Variants in TNRC18 observed in about 807,000 individuals in gnomAD.
The protein encoded by TNRC18 is trinucleotide repeat-containing gene 18 protein.
TNRC18 carries 69 observed loss-of-function variants against 226.7 expected under a neutral mutation model. That is an observed-to-expected ratio of 0.30 (90% CI 0.25 to 0.37). TNRC18 has a LOEUF of 0.37. TNRC18 is among the 10% of genes least tolerant of loss of function. The probability of loss-of-function intolerance (pLI) is 1.00; values close to 1 mark genes in which losing one functional copy is unlikely to be tolerated. For synonymous variants in TNRC18, 2,449 were observed against 1,927.6 expected, an observed-to-expected ratio of 1.27 and a Z score of -7.09; for missense variants, 4,754 against 4,256.6, an observed-to-expected ratio of 1.12 and a Z score of -3.25.
rs752082991 is a variant in TNRC18 at position 5,315,156 on chromosome 7, G to T, written c.6863-8C>A. The T allele has an allele frequency of 8.7e-6, 14 of 1,610,514 alleles. No individual in the cohort carries two copies. Among genetic ancestry groups the T allele is most frequent in the Middle Eastern group, 4.1e-4 (2 of 4,920 alleles). On this transcript the variant is annotated splice_polypyrimidine_tract_variant and splice_region_variant and intron_variant, in intron 25 of 29. Transcript: ENST00000430969. ...CCGGGGACGGCTCAGCACCTGTGGG[G>T]CAGAGGACAGAGTGGCTCATCAGGC... is the stretch of plus-strand genomic sequence containing the variant.
In TNRC18 at chr7:5,307,849, C is replaced by T. The variant is rs978901495; in HGVS notation, c.*257G>A. 9 of 545,712 alleles carry T rather than the reference C, an allele frequency of 1.6e-5. No individual in the cohort carries two copies. Among genetic ancestry groups the T allele is most frequent in the Non-Finnish European group, 3.0e-5 (9 of 301,378 alleles). The allele number at this position is 545,712 out of a possible 1,614,324, so 33.8% of individuals were successfully genotyped here. On this transcript the variant is annotated 3_prime_UTR_variant, in exon 30 of 30. Coordinates refer to ENST00000430969, the MANE Select transcript of TNRC18 (RefSeq NM_001080495.3). ...GGCAGGAAGGGCCGGTCCGGCCATA[C>T]CCTGATAGCTAAGAGGGGCCCCTGT...
chr7:5,422,129 C>A (rs1442759545), intron 1 of TNRC18, among the ~76,000 whole-genome samples: 3 of 151,994 alleles, frequency 2.0e-5, no homozygotes, highest in Non-Finnish European at 4.4e-5. Flanking sequence ...CACTGTGAGT[C>A]CCAGAGCTCG....
intron 21 of TNRC18, among the ~76,000 whole-genome samples, chr7:5,322,887 G>A (rs964939442): frequency 4.6e-5 from 7 of 152,226 alleles, no homozygotes; most frequent in Non-Finnish European, 8.8e-5. Flanking sequence ...ACACCCTGAC[G>A]TTGGGCTTGG....
chr7:5,321,829 G>T (rs1210889705), intron 21 of TNRC18, among the ~76,000 whole-genome samples: 1 of 151,610 alleles, frequency 6.6e-6, no homozygotes, highest in Non-Finnish European at 1.5e-5. Flanking sequence ...CTGCCACCAG[G>T]CCCGGCTAAT....
intron 17 of TNRC18, among the ~76,000 whole-genome samples, chr7:5,350,619 G>T (rs892405190): frequency 1.3e-5 from 2 of 152,156 alleles, no homozygotes; most frequent in Non-Finnish European, 2.9e-5. Context: ...CTAAAACCAG[G>T]GCTAGGAAAA....
chr7:5,374,098 C>T lies in TNRC18; in HGVS notation c.3186G>A (p.Glu1062=). Residue 1062 remains glutamate (E), a synonymous_variant, in exon 10 of 30, where the codon GAG becomes GAA. Transcript: ENST00000430969. ...AGGGGCTGGGGGCTTCCTTCTCCAA[C>T]TCCAAGTCTTTCTTCTCGACCACAT... ...PENVVEKKDL[E]LEKEAPSPFQ... The T allele has an allele frequency of 6.3e-7, 1 of 1,580,854 alleles. No individual in the cohort carries two copies.
At chr7:5,373,983 T>G in intron 10 of TNRC18, 72 bp downstream of exon 10, 1 of 1,248,678 alleles carries the variant, frequency 8.0e-7, no homozygotes. Context: ...AACGGGTCAA[T>G]GAAAAGATGG....
chr7:5,369,929 G>C (rs1354238726), intron 11 of TNRC18, among the ~76,000 whole-genome samples: 1 of 152,108 alleles, frequency 6.6e-6, no homozygotes, highest in East Asian at 1.9e-4. Context: ...GGAACATTTT[G>C]TTATGTGTAT....
rs2128182014 is a variant in TNRC18, at chr7:5,377,881, T to C, written c.2255+41A>G. 1.9e-6 allele frequency: 3 copies of C among 1,589,278 alleles called. No homozygotes were observed. The highest frequency in any genetic ancestry group is 1.7e-6 in the Non-Finnish European group (2 of 1,158,852). ...GCTGCCCCTCACCCCCAGGGGCTCC[T>C]AGATACCCCCTAGACCCTCAGGATC... On this transcript the variant is annotated intron_variant, in intron 6 of 29. Transcript: ENST00000430969. The surrounding 1 kb of genome is among the most constrained non-coding windows in gnomAD (Gnocchi z 5.8).
chr7:5,343,342 A>G (rs1294823180), intron 18 of TNRC18, among the ~76,000 whole-genome samples: 1 of 152,202 alleles, frequency 6.6e-6, no homozygotes, highest in Non-Finnish European at 1.5e-5. Context: ...TGACAAAGCG[A>G]GACCGTATCT....
intron 18 of TNRC18, 38 bp downstream of exon 18, chr7:5,345,524 C>CCCCCCCCCCCCCCCCCCCCCCCACA: frequency 5.5e-6 from 1 of 182,374 alleles, no homozygotes; most frequent in Non-Finnish European, 1.2e-5. Context: ...TCCGCCCCTC[C>CCCCCCCCCCCCCCCCCCCCCCCACA]CACCCACCCC....
In TNRC18 at chr7:5,345,517, G is replaced by GCCAC; in HGVS notation, c.5719+44_5719+45insGTGG. ...CCTGTGGGATGGGGCAATGGCGTCCGCCCCTCCCACCCACCCCCACCGCAG... is the reference window on the plus strand; with the variant it reads ...CCTGTGGGATGGGGCAATGGCGTCCGCCACCCCCTCCCACCCACCCCCACCGCAG... On this transcript the variant is annotated intron_variant, in intron 18 of 29. Coordinates refer to ENST00000430969, the MANE Select transcript of TNRC18 (RefSeq NM_001080495.3). The GCCAC allele has an allele frequency of 1.6e-4, 62 of 377,744 alleles. 3 individuals are homozygous for GCCAC. Among genetic ancestry groups the GCCAC allele is most frequent in the South Asian group, 9.2e-4 (21 of 22,822 alleles). The allele number at this position is 377,744 out of a possible 1,614,324, so 23.4% of individuals were successfully genotyped here.
intron 11 of TNRC18, 142 bp from the exon 12 acceptor site, chr7:5,362,967 G>T: frequency 1.2e-6 from 1 of 819,000 alleles, no homozygotes; most frequent in Non-Finnish European, 1.8e-6. Flanking sequence ...AGGCCTTTGT[G>T]ACATGCCGGA....
At chr7:5,384,955 A>C (rs1404828905) in intron 5 of TNRC18, among the ~76,000 whole-genome samples, 2 of 152,234 alleles carry the variant, frequency 1.3e-5, no homozygotes, top group Non-Finnish European at 2.9e-5. Flanking sequence ...TTCCAAGACA[A>C]GCCTGACAGA....
chr7:5,357,115 G>A lies in TNRC18; in HGVS notation c.4995C>T (p.Tyr1665=). Residue 1665 remains tyrosine, a synonymous_variant, in exon 16 of 30, where the codon TAC becomes TAT. Coordinates refer to ENST00000430969, the MANE Select transcript of TNRC18 (RefSeq NM_001080495.3). The part of the protein sequence containing the change: ...KSKTSGGCGR[Y]LTPYDSLLGK... ...CCAGCAGGCTGTCGTAAGGAGTCAA[G>A]TACCTGCCGCAGCCCCCGCTAGTTT... 1 of 1,553,526 alleles carries A rather than the reference G, an allele frequency of 6.4e-7. No individual in the cohort carries two copies. Among genetic ancestry groups the A allele is most frequent in the Non-Finnish European group, 8.7e-7 (1 of 1,147,838 alleles).
intron 11 of TNRC18, among the ~76,000 whole-genome samples, chr7:5,365,725 A>G (rs966141083): frequency 1.3e-5 from 2 of 151,742 alleles, no homozygotes; most frequent in Non-Finnish European, 2.9e-5. Context: ...AAGTACTGGG[A>G]TTGCAGACGT....
chr7:5,336,641 C>T (rs1583820229), intron 18 of TNRC18, among the ~76,000 whole-genome samples: 1 of 152,102 alleles, frequency 6.6e-6, no homozygotes, highest in East Asian at 1.9e-4. Context: ...ACTCAGGAGG[C>T]AGAGGTGGGA....
intron 17 of TNRC18, among the ~76,000 whole-genome samples, chr7:5,346,828 G>A (rs1042232653): frequency 1.3e-5 from 2 of 152,192 alleles, no homozygotes; most frequent in African/African-American, 4.8e-5. Context: ...GCATGGAGGA[G>A]AAAGCCATTT....
intron 2 of TNRC18, among the ~76,000 whole-genome samples, chr7:5,399,008 A>T (rs1410657904): frequency 6.6e-6 from 1 of 152,162 alleles, no homozygotes; most frequent in African/African-American, 2.4e-5. Context: ...CCCGCAACTC[A>T]CAAAAGAGGC....
Sources: allele counts gnomAD v4.1 joint callset (sites outside exome capture counted in the v4.1 genomes callset), GRCh38; gene constraint gnomAD v4.1.1; non-coding constraint Gnocchi (gnomAD v3.1); transcripts MANE v1.5; gene names NCBI Gene and HGNC (gene_info 2026-07-23, HGNC 2026-07-21).